Variants in PPP4R2 observed in about 807,000 individuals in gnomAD.
The protein encoded by PPP4R2 is protein phosphatase 4 regulatory subunit 2, also known as serine/threonine-protein phosphatase 4 regulatory subunit 2.
In PPP4R2, 13 loss-of-function variants were observed where a neutral mutation model predicts 47.2. The observed-to-expected ratio is 0.28, with a 90% CI of 0.18 to 0.44. The LOEUF (loss-of-function observed/expected upper bound fraction) is 0.44, where lower values mean the gene tolerates loss of function less well. Among genes scored for constraint, PPP4R2 ranks in the 20% least tolerant of loss-of-function variants. The pLI is 1.00. For synonymous variants in PPP4R2, 151 were observed against 163.3 expected, an observed-to-expected ratio of 0.92 and a Z score of 0.57; for missense variants, 421 against 491.2, an observed-to-expected ratio of 0.86 and a Z score of 1.35.
At chr3:73,021,485 C>T (rs950964670) in intron 2 of PPP4R2, among the ~76,000 whole-genome samples, 2 of 152,050 alleles carry the variant, frequency 1.3e-5, no homozygotes, top group African/African-American at 2.4e-5. Flanking sequence ...CTTCCTCCCA[C>T]CTCTGACTCC....
At chr3:73,057,482 G>A (rs144540274) in intron 3 of PPP4R2, among the ~76,000 whole-genome samples, 11 of 152,184 alleles carry the variant, frequency 7.2e-5, no homozygotes, top group Non-Finnish European at 1.2e-4. Context: ...TGGAATATCA[G>A]GCAAACATTT....
At chr3:73,014,409 C>G (rs2107233139) in intron 2 of PPP4R2, among the ~76,000 whole-genome samples, 1 of 152,060 alleles carries the variant, frequency 6.6e-6, no homozygotes, top group African/African-American at 2.4e-5. Flanking sequence ...CCTGAGCTTC[C>G]CCAGTAGCTA....
chr3:73,032,541 C>T (rs1177486130), intron 2 of PPP4R2, among the ~76,000 whole-genome samples: 1 of 152,166 alleles, frequency 6.6e-6, no homozygotes, highest in Admixed American at 6.5e-5. Flanking sequence ...CCCGCCCTGG[C>T]CTCCCAAAGT....
chr3:73,060,811 T>C (rs1702842594), intron 4 of PPP4R2, among the ~76,000 whole-genome samples: 1 of 152,106 alleles, frequency 6.6e-6, no homozygotes, highest in Non-Finnish European at 1.5e-5. Flanking sequence ...AAAAAAAAAT[T>C]AGTGGCTGAG....
chr3:72,998,040 G>C (rs769633081), intron 1 of PPP4R2, 37 bp from the exon 2 acceptor site: 1 of 1,478,780 alleles, frequency 6.8e-7, no homozygotes, highest in Non-Finnish European at 9.4e-7. Flanking sequence ...GCGCTTTTGA[G>C]AAAACTGATA....
chr3:73,015,552 T>C (rs992066319), intron 2 of PPP4R2, among the ~76,000 whole-genome samples: 6 of 151,126 alleles, frequency 4.0e-5, no homozygotes, highest in Non-Finnish European at 7.4e-5. Flanking sequence ...CTCGGCTCAC[T>C]GCAACCTCTG....
intron 2 of PPP4R2, among the ~76,000 whole-genome samples, chr3:73,009,579 A>C (rs1242194716): frequency 6.6e-6 from 1 of 152,218 alleles, no homozygotes; most frequent in Non-Finnish European, 1.5e-5. Flanking sequence ...ACCTGTCAAA[A>C]ACTTCATGTT....
intron 6 of PPP4R2, 59 bp downstream of exon 6, chr3:73,063,806 G>A: frequency 2.4e-6 from 3 of 1,262,688 alleles, no homozygotes; most frequent in Non-Finnish European, 3.5e-6. Flanking sequence ...TTGAGTAGCA[G>A]GCTTAGTGTA....
chr3:73,051,678 T>A (rs1023650426), intron 3 of PPP4R2, among the ~76,000 whole-genome samples: 1 of 152,182 alleles, frequency 6.6e-6, no homozygotes, highest in East Asian at 1.9e-4. Context: ...CAGGCTGGAG[T>A]GCAATGGCTC....
intron 3 of PPP4R2, among the ~76,000 whole-genome samples, chr3:73,053,455 T>C (rs954610387): frequency 2.0e-5 from 3 of 152,318 alleles, no homozygotes; most frequent in Admixed American, 1.3e-4. Context: ...TTCTTGCTAG[T>C]TATATTTGAT....
chr3:73,021,171 G>A (rs1701951758), intron 2 of PPP4R2, among the ~76,000 whole-genome samples: 1 of 151,678 alleles, frequency 6.6e-6, no homozygotes, highest in East Asian at 1.9e-4. Flanking sequence ...AACTCATATA[G>A]CTCACTTAAA....
intron 1 of PPP4R2, 59 bp downstream of exon 1, chr3:72,997,130 CT>C: frequency 7.9e-7 from 1 of 1,262,490 alleles, no homozygotes; most frequent in Non-Finnish European, 1.0e-6. Flanking sequence ...CTCTTCTCTC[CT>C]TTCAGGGCGG....
At chr3:73,048,102 C>G (rs566860133) in intron 3 of PPP4R2, among the ~76,000 whole-genome samples, 14 of 152,282 alleles carry the variant, frequency 9.2e-5, no homozygotes, top group East Asian at 5.8e-4. Context: ...GTCTCGATCT[C>G]CTGACCTCAT....
chr3:73,014,822 C>T (rs780956329), intron 2 of PPP4R2: 1 of 404,124 alleles, frequency 2.5e-6, no homozygotes, highest in Admixed American at 4.3e-5. Flanking sequence ...TGATAATATT[C>T]TAAATCTAGC....
chr3:73,019,816 T>G (rs1575851328), intron 2 of PPP4R2, among the ~76,000 whole-genome samples: 1 of 152,198 alleles, frequency 6.6e-6, no homozygotes, highest in Non-Finnish European at 1.5e-5. Flanking sequence ...ATGTCCAGAT[T>G]CTGTCTATTT....
At chr3:73,044,786 C>A (rs1702450906) in intron 2 of PPP4R2, among the ~76,000 whole-genome samples, 1 of 152,136 alleles carries the variant, frequency 6.6e-6, no homozygotes. Context: ...GTACTTTGCC[C>A]ATTTTTAAAT....
intron 2 of PPP4R2, among the ~76,000 whole-genome samples, chr3:73,021,874 GTGTGTGTA>G (rs1158161102): frequency 1.1e-3 from 147 of 135,112 alleles, no homozygotes; most frequent in Non-Finnish European, 3.3e-4. Flanking sequence ...GTGTGTGTGT[GTGTGTGTA>G]TATATGCATA....
chr3:73,065,819 A>G lies in PPP4R2; in HGVS notation c.*97A>G. 3.8e-6 allele frequency: 3 copies of G among 782,098 alleles called. No homozygotes were observed. The highest frequency in any genetic ancestry group is 6.0e-6 in the Non-Finnish European group (3 of 500,628). The allele number at this position is 782,098 out of a possible 1,614,324, so 48.4% of individuals were successfully genotyped here. On this transcript the variant is annotated 3_prime_UTR_variant, in exon 9 of 9. Coordinates refer to ENST00000356692, the MANE Select transcript of PPP4R2 (RefSeq NM_174907.4). Reference sequence around the variant, plus strand: ...AATAAAATGGACCTTTAGTTTTACAAGAGAAGCAGGTTGTAAAATAAAGTA... The same window carrying G: ...AATAAAATGGACCTTTAGTTTTACAGGAGAAGCAGGTTGTAAAATAAAGTA...
intron 5 of PPP4R2, chr3:73,062,582 A>G: frequency 3.1e-6 from 5 of 1,614,028 alleles, no homozygotes; most frequent in Non-Finnish European, 4.2e-6. Context: ...ATGCTAGCAG[A>G]TTCAAAGATA....
Sources: allele counts gnomAD v4.1 joint callset (sites outside exome capture counted in the v4.1 genomes callset), GRCh38; gene constraint gnomAD v4.1.1; transcripts MANE v1.5; gene names NCBI Gene and HGNC (gene_info 2026-07-23, HGNC 2026-07-21).